Variants in NRG1 observed in about 807,000 individuals in gnomAD.
NRG1 encodes pro-neuregulin-1, membrane-bound isoform.
NRG1 carries 18 observed loss-of-function variants against 63.8 expected under a neutral mutation model. That is an observed-to-expected ratio of 0.28 (90% CI 0.19 to 0.42). NRG1 has a LOEUF of 0.42. NRG1 is among the 10% of genes least tolerant of loss of function. The pLI, the probability that NRG1 is intolerant of heterozygous loss-of-function variation, is 1.00. For synonymous variants in NRG1, 302 were observed against 301.3 expected, an observed-to-expected ratio of 1.00 and a Z score of -0.02; for missense variants, 762 against 814.7, an observed-to-expected ratio of 0.94 and a Z score of 0.79.
chr8:31,666,463 A>G (rs532175159), intron 1 of NRG1, among the ~76,000 whole-genome samples: 2 of 152,298 alleles, frequency 1.3e-5, no homozygotes, highest in South Asian at 4.1e-4. Context: ...GAAAAAAGAA[A>G]TACTCTTGGA....
At chr8:32,174,875 C>G (rs930568951) in intron 1 of NRG1, among the ~76,000 whole-genome samples, 1 of 152,056 alleles carries the variant, frequency 6.6e-6, no homozygotes, top group African/African-American at 2.4e-5. Context: ...AGGACCAGAT[C>G]GATTCACAGC....
intron 1 of NRG1, among the ~76,000 whole-genome samples, chr8:32,208,051 A>C (rs541091272): frequency 7.2e-5 from 11 of 152,190 alleles, no homozygotes; most frequent in Non-Finnish European, 1.5e-4. Flanking sequence ...AGGTTAATGC[A>C]CGAGAAAAGA....
At chr8:31,851,837 CT>C (rs1230596315) in intron 1 of NRG1, among the ~76,000 whole-genome samples, 1 of 149,014 alleles carries the variant, frequency 6.7e-6, no homozygotes, top group African/African-American at 2.5e-5. Flanking sequence ...CAATTCCCAC[CT>C]ATGAGTGAGA....
At chr8:31,806,860 A>G (rs1822337788) in intron 1 of NRG1, among the ~76,000 whole-genome samples, 1 of 152,228 alleles carries the variant, frequency 6.6e-6, no homozygotes, top group Admixed American at 6.5e-5. Flanking sequence ...GCCTGTCATC[A>G]ATTTAACAGC....
intron 1 of NRG1, among the ~76,000 whole-genome samples, chr8:32,175,904 T>C (rs1840669836): frequency 6.6e-6 from 1 of 152,224 alleles, no homozygotes; most frequent in Admixed American, 6.5e-5. Flanking sequence ...ATGGCCATAC[T>C]GCCAAAGGTA....
chr8:32,321,570 G>A (rs1801398955), intron 1 of NRG1, among the ~76,000 whole-genome samples: 1 of 149,642 alleles, frequency 6.7e-6, no homozygotes, highest in South Asian at 2.1e-4. Flanking sequence ...GATTTCCATG[G>A]GCTGGAAATA....
At chr8:32,441,456 A>C (rs1819535434) in intron 1 of NRG1, 1 of 152,112 alleles carries the variant, frequency 6.6e-6, no homozygotes, top group African/African-American at 2.4e-5. Context: ...TGTCTCCAAA[A>C]CTTCCAAAAA....
rs35074926 is a variant in NRG1, at chr8:32,447,848, C to CAAA, written c.38-147966_38-147964dup. Among the ~76,000 whole-genome samples, 569 of 125,374 alleles carry CAAA rather than the reference C, an allele frequency of 4.5e-3. 6 individuals carry two copies. Among genetic ancestry groups the CAAA allele is most frequent in the African/African-American group, 0.017 (552 of 32,778 alleles). The allele number at this position is 125,374 out of a possible 152,430, so 82.3% of individuals were successfully genotyped here. A position where few individuals can be genotyped will look rare whatever the true frequency, so the allele number is the denominator to read the frequency against. On this transcript the variant is annotated intron_variant, in intron 1 of 10. Transcript: ENST00000519301. The stretch of plus-strand genomic sequence containing the variant: ...TGGGCAACAAAGCCAAACCCTGTGT[C>CAAA]AAAAAAAAAAAAAAAATACGTAAAG...
At chr8:31,781,290 A>T (rs1819658485) in intron 1 of NRG1, among the ~76,000 whole-genome samples, 1 of 152,152 alleles carries the variant, frequency 6.6e-6, no homozygotes, top group Admixed American at 6.6e-5. Flanking sequence ...AGAGATTAGC[A>T]TGGATTAGAT....
At chr8:31,694,010 T>TA (rs1809799241) in intron 1 of NRG1, among the ~76,000 whole-genome samples, 1 of 152,080 alleles carries the variant, frequency 6.6e-6, no homozygotes, top group Non-Finnish European at 1.5e-5. Context: ...GCTAATTTTT[T>TA]AAAAAACATT....
intron 1 of NRG1, among the ~76,000 whole-genome samples, chr8:32,433,703 C>T (rs1426690219): frequency 6.6e-6 from 1 of 152,104 alleles, no homozygotes; most frequent in Non-Finnish European, 1.5e-5. Flanking sequence ...ATCTATGCAG[C>T]TCTAAATGGA....
At chr8:32,511,701 T>C (rs940771175) in intron 1 of NRG1, among the ~76,000 whole-genome samples, 6 of 152,014 alleles carry the variant, frequency 3.9e-5, no homozygotes, top group African/African-American at 1.4e-4. Flanking sequence ...TGTATTTGAG[T>C]CAGCCATACG....
chr8:32,317,400 G>A (rs1391586310), intron 1 of NRG1, among the ~76,000 whole-genome samples: 1 of 152,114 alleles, frequency 6.6e-6, no homozygotes, highest in Non-Finnish European at 1.5e-5. Context: ...TCTTTCTTTT[G>A]GGATCACAAT....
chr8:32,578,842 A>G (rs1840131652), intron 1 of NRG1, among the ~76,000 whole-genome samples: 1 of 152,184 alleles, frequency 6.6e-6, no homozygotes, highest in South Asian at 2.1e-4. Flanking sequence ...TAGAGTTTAG[A>G]CAGGAAGTAT....
Position 32,742,777 on chromosome 8 carries a change from T to C in NRG1, c.691+44T>C. 1 of 1,613,604 alleles carries C rather than the reference T, an allele frequency of 6.2e-7. No homozygotes were observed. The highest frequency in any genetic ancestry group is 8.5e-7 in the Non-Finnish European group (1 of 1,179,586). ...TGTCTCTGCCTGAATAGGAGCATGCTCAGTTGGTGCTGCTTTCTTGTTGCT... is the reference window on the plus strand; with the variant it reads ...TGTCTCTGCCTGAATAGGAGCATGCCCAGTTGGTGCTGCTTTCTTGTTGCT... On this transcript the variant is annotated intron_variant, in intron 7 of 11. Coordinates refer to ENST00000356819, the Ensembl canonical transcript of NRG1. This position sits in a 1 kb window ranked among gnomAD's most constrained non-coding sequence, Gnocchi z 4.2.
intron 5 of NRG1, among the ~76,000 whole-genome samples, chr8:32,694,384 C>T (rs1208543941): frequency 1.3e-5 from 2 of 152,066 alleles, no homozygotes; most frequent in Non-Finnish European, 2.9e-5. Flanking sequence ...GTATGTAACT[C>T]TTCTGACATT....
intron 1 of NRG1, among the ~76,000 whole-genome samples, chr8:31,651,168 G>A (rs1804801739): frequency 6.6e-6 from 1 of 152,182 alleles, no homozygotes; most frequent in East Asian, 1.9e-4. Flanking sequence ...ACCTTCAAGG[G>A]AAGGTGTCTC....
intron 1 of NRG1, among the ~76,000 whole-genome samples, chr8:32,055,006 A>G (rs547609776): frequency 1.4e-5 from 2 of 143,814 alleles, no homozygotes; most frequent in Admixed American, 7.0e-5. Context: ...TCCTGCCTCA[A>G]CCTCCCGAGT....
At chr8:32,026,248 G>A (rs1817358040) in intron 1 of NRG1, 1 of 151,634 alleles carries the variant, frequency 6.6e-6, no homozygotes, top group African/African-American at 2.4e-5. Flanking sequence ...ACATTTCCCA[G>A]TTGACTACTA....
Sources: allele counts gnomAD v4.1 joint callset (sites outside exome capture counted in the v4.1 genomes callset), GRCh38; gene constraint gnomAD v4.1.1; non-coding constraint Gnocchi (gnomAD v3.1); transcripts MANE v1.5; gene names NCBI Gene and HGNC (gene_info 2026-07-23, HGNC 2026-07-21).